The following ATP10B variants were observed in gnomAD, a reference collection of about 807,000 sequenced individuals.
The protein encoded by ATP10B is phospholipid-transporting ATPase VB.
Under a neutral mutation model 141.2 loss-of-function variants are expected in ATP10B, and 122 were observed. The ratio of observed to expected loss-of-function variants is 0.86; its 90% confidence interval spans 0.75 to 1.00. The LOEUF is 1.00. ATP10B is among the 50% of genes least tolerant of loss of function. The pLI is 0.00. For missense variants in ATP10B, 1,876 were observed against 1,825.3 expected (o/e 1.03, Z -0.51); for synonymous variants, 685 against 692.0 (o/e 0.99, Z 0.16).
At chr5:160,701,639 C>T (rs1764684289) in intron 3 of ATP10B, among the ~76,000 whole-genome samples, 1 of 152,096 alleles carries the variant, frequency 6.6e-6, no homozygotes, top group African/African-American at 2.4e-5. Flanking sequence ...GTCACCCCCT[C>T]CTACCCTAAT....
chr5:160,829,337 C>T (rs1402052204), intron 1 of ATP10B, among the ~76,000 whole-genome samples: 1 of 152,086 alleles, frequency 6.6e-6, no homozygotes, highest in East Asian at 1.9e-4. Flanking sequence ...GTGCCAGTAC[C>T]ATGCTGTTTT....
chr5:160,817,227 A>G (rs760499957), intron 1 of ATP10B, among the ~76,000 whole-genome samples: 16 of 152,224 alleles, frequency 1.1e-4, no homozygotes, highest in Non-Finnish European at 1.9e-4. Flanking sequence ...CTGTTTGCAG[A>G]TGACATGATT....
At chr5:160,739,798 T>G (rs892850317) in intron 2 of ATP10B, among the ~76,000 whole-genome samples, 3 of 152,100 alleles carry the variant, frequency 2.0e-5, no homozygotes, top group Admixed American at 6.6e-5. Context: ...CATTTTATAT[T>G]CATTTCCTGT....
the ATP10B span, among the ~76,000 whole-genome samples, chr5:160,896,517 G>A: frequency 1.1e-4 from 16 of 152,034 alleles, no homozygotes; most frequent in African/African-American, 3.9e-4. Flanking sequence ...CCCTGAATAG[G>A]CCAATAACAA....
intron 2 of ATP10B, among the ~76,000 whole-genome samples, chr5:160,782,010 G>A (rs1561847068): frequency 6.6e-6 from 1 of 152,090 alleles, no homozygotes; most frequent in South Asian, 2.1e-4. Flanking sequence ...CAATTGCTGT[G>A]GGATAGAAAG....
intron 22 of ATP10B, among the ~76,000 whole-genome samples, chr5:160,592,587 T>C (rs1212751761): frequency 3.3e-5 from 5 of 152,186 alleles, no homozygotes; most frequent in Non-Finnish European, 5.9e-5. Context: ...CAGTGCACCA[T>C]GCACGAGCCA....
intron 1 of ATP10B, among the ~76,000 whole-genome samples, chr5:160,838,887 C>T (rs753594991): frequency 1.3e-5 from 2 of 152,064 alleles, no homozygotes; most frequent in African/African-American, 2.4e-5. Flanking sequence ...TTAGCACCAA[C>T]CTCTTGGTGA....
rs1478420286 is a variant in ATP10B at position 160,589,616 on chromosome 5, G to A, written c.3726C>T (p.His1242=). ...CCCATGTCTTCATTTCCATTGCCTG[G>A]TGCAAAAGGATTGTGGTGAGGGAGA... ...NTISLTTILL[H]QAMEMKTWTI... is the part of the protein sequence containing the mutation. The change falls in exon 24 of 26, where the codon CAC becomes CAT. Residue 1242 remains histidine, a synonymous_variant. Transcript: ENST00000327245. The A allele has an allele frequency of 6.2e-7, 1 of 1,613,876 alleles. No individual in the cohort carries two copies. The highest frequency in any genetic ancestry group is 8.5e-7 in the Non-Finnish European group (1 of 1,179,944).
chr5:160,598,620 A>C (rs1370897387), intron 22 of ATP10B, 150 bp downstream of exon 22: 3 of 720,670 alleles, frequency 4.2e-6, no homozygotes, highest in Non-Finnish European at 7.1e-6. Context: ...AGGAAAGGAG[A>C]GAGGAGTTAC....
intron 2 of ATP10B, among the ~76,000 whole-genome samples, chr5:160,735,694 A>C (rs1373159153): frequency 2.0e-5 from 3 of 152,184 alleles, no homozygotes; most frequent in African/African-American, 7.2e-5. Flanking sequence ...CTGAATATAC[A>C]TTAGTTTCCT....
intron 6 of ATP10B, among the ~76,000 whole-genome samples, chr5:160,673,356 G>C (rs7704659): frequency 0.64 from 97,457 of 151,780 alleles, 31,970 homozygotes; most frequent in Middle Eastern, 0.78. Flanking sequence ...GGCATGCAAT[G>C]TGTAATAATC....
chr5:160,797,723 A>T (rs956518757), intron 1 of ATP10B, among the ~76,000 whole-genome samples: 5 of 147,998 alleles, frequency 3.4e-5, no homozygotes, highest in African/African-American at 1.3e-4. Context: ...TTAATGAGAA[A>T]GCTAAGAAAA....
intron 2 of ATP10B, among the ~76,000 whole-genome samples, chr5:160,776,422 C>T (rs1274121268): frequency 1.3e-5 from 2 of 152,176 alleles, no homozygotes; most frequent in Non-Finnish European, 2.9e-5. Flanking sequence ...TTACTATATG[C>T]CAGGCACTGG....
intron 7 of ATP10B, among the ~76,000 whole-genome samples, chr5:160,659,173 T>C (rs1193238675): frequency 6.6e-6 from 1 of 152,180 alleles, no homozygotes; most frequent in East Asian, 1.9e-4. Flanking sequence ...CCATTAATAT[T>C]TCACCTTTCA....
At chr5:160,818,340 G>T (rs1401828258) in intron 1 of ATP10B, among the ~76,000 whole-genome samples, 1 of 152,104 alleles carries the variant, frequency 6.6e-6, no homozygotes, top group South Asian at 2.1e-4. Flanking sequence ...GTGGGCAAAG[G>T]ATATGAACAG....
At chr5:160,696,366 C>T (rs1391608971) in intron 3 of ATP10B, among the ~76,000 whole-genome samples, 1 of 152,106 alleles carries the variant, frequency 6.6e-6, no homozygotes, top group Admixed American at 6.5e-5. Flanking sequence ...ACCTCAGCCT[C>T]CCAAAGTGCT....
chr5:160,677,522 T>C (rs1279741890), intron 6 of ATP10B, among the ~76,000 whole-genome samples: 2 of 152,334 alleles, frequency 1.3e-5, no homozygotes, highest in East Asian at 1.9e-4. Context: ...TTATTAGAGC[T>C]TGGAGTCGAG....
intron 1 of ATP10B, among the ~76,000 whole-genome samples, chr5:160,790,937 G>C (rs968481966): frequency 1.3e-5 from 2 of 152,164 alleles, no homozygotes; most frequent in East Asian, 3.9e-4. Flanking sequence ...GATGATGAAA[G>C]AAGCAGGAGG....
At position 160,634,509 on chromosome 5, in the gene ATP10B, G is replaced by A. The variant is rs1759206349; in HGVS notation, c.1226C>T (p.Thr409Ile). ...GGCTCGACATTGAATGGATAAATCG[G>A]TCTCTTCATCATACAGGTCAAGGTC... ...SNDLDLYDEE[T>I]DLSIQCRALN... is the part of the protein sequence containing the mutation. Residue 409 changes from threonine (T) to isoleucine (I), a missense_variant, in exon 12 of 26, where the codon ACC (threonine) becomes ATC (isoleucine). By Grantham distance (89) the Thr-to-Ile change is moderately conservative. Transcript: ENST00000327245. 1 of 1,613,992 alleles carries A rather than the reference G, an allele frequency of 6.2e-7. No individual in the cohort carries two copies. The highest frequency in any genetic ancestry group is 1.3e-5 in the African/African-American group (1 of 74,890).
Sources: allele counts gnomAD v4.1 joint callset (sites outside exome capture counted in the v4.1 genomes callset), GRCh38; gene constraint gnomAD v4.1.1; transcripts MANE v1.5; gene names NCBI Gene and HGNC (gene_info 2026-07-23, HGNC 2026-07-21).